Variants in SIRPB2 observed in about 807,000 individuals in gnomAD.
SIRPB2 encodes the protein signal-regulatory protein beta-2.
A neutral mutation model predicts 27.1 loss-of-function variants in SIRPB2; 18 were observed. That is an observed-to-expected ratio of 0.66 (90% CI 0.46 to 0.98). The LOEUF (loss-of-function observed/expected upper bound fraction) is 0.98. Ranked by LOEUF, SIRPB2 falls within the 50% of genes least tolerant of loss-of-function variation. The pLI is 0.00. For synonymous variants in SIRPB2, 150 were observed against 164.6 expected, an observed-to-expected ratio of 0.91 and a Z score of 0.68; for missense variants, 420 against 417.4, an observed-to-expected ratio of 1.01 and a Z score of -0.06.
At position 1,478,610 on chromosome 20, in the gene SIRPB2, G is replaced by A. The variant is rs764015730; in HGVS notation, c.452-3C>T. 3.9e-6 allele frequency: 6 copies of A among 1,554,724 alleles called. No homozygotes were observed. In the East Asian group the frequency reaches 1.4e-4, roughly 35 times the overall value. On this transcript the variant is annotated splice_polypyrimidine_tract_variant and splice_region_variant and intron_variant, in intron 2 of 4. Coordinates refer to ENST00000359801, the MANE Select transcript of SIRPB2 (RefSeq NM_001122962.2). The stretch of plus-strand genomic sequence containing the variant: ...GTCTGGTTCAGGGTCCCCAGCTCCT[G>A]AAGCCAAAGAGGAGGTCCTTGTTGA...
intron 1 of SIRPB2, among the ~76,000 whole-genome samples, chr20:1,488,189 A>G (rs536585970): frequency 1.8e-4 from 27 of 152,348 alleles, no homozygotes; most frequent in African/African-American, 6.3e-4. Flanking sequence ...TGCAAAGCAT[A>G]TATCTGGCAA....
At chr20:1,472,807 G>A (rs1446161424), downstream of SIRPB2, 1 of 152,146 alleles carries the variant, frequency 6.6e-6, no homozygotes, top group Admixed American at 6.5e-5. Flanking sequence ...TAGTTCAGGC[G>A]TTTACGGGGT....
At chr20:1,479,578 C>A (rs2090645365) in intron 2 of SIRPB2, 122 bp downstream of exon 2, 1 of 1,426,986 alleles carries the variant, frequency 7.0e-7, no homozygotes, top group Non-Finnish European at 9.5e-7. Context: ...TGTAGAGATA[C>A]AAATATGTAT....
At chr20:1,481,574 A>G (rs1165704447) in intron 1 of SIRPB2, among the ~76,000 whole-genome samples, 1 of 152,194 alleles carries the variant, frequency 6.6e-6, no homozygotes, top group African/African-American at 2.4e-5. Flanking sequence ...TCAGTTGTGA[A>G]TGAGGCAAGG....
At chr20:1,476,634 A>T (rs1226051261) in intron 4 of SIRPB2, 1 of 819,872 alleles carries the variant, frequency 1.2e-6, no homozygotes, top group Non-Finnish European at 1.5e-6. Context: ...TAGTGATCCA[A>T]TTTTTATAGA....
chr20:1,488,054 C>T (rs991961182), intron 1 of SIRPB2, among the ~76,000 whole-genome samples: 1 of 152,158 alleles, frequency 6.6e-6, no homozygotes, highest in Non-Finnish European at 1.5e-5. Flanking sequence ...AGATGTAACA[C>T]CAAAATCATG....
intron 1 of SIRPB2, among the ~76,000 whole-genome samples, chr20:1,481,180 A>AT (rs2090667733): frequency 6.6e-6 from 1 of 151,822 alleles, no homozygotes; most frequent in African/African-American, 2.4e-5. Context: ...TTATTTATTT[A>AT]TTTTTTAATT....
At position 1,476,139 on chromosome 20, in the gene SIRPB2, A is replaced by G; in HGVS notation, c.*28T>C. 1 of 1,605,378 alleles carries G rather than the reference A, an allele frequency of 6.2e-7. No individual in the cohort carries two copies. The highest frequency in any genetic ancestry group is 1.1e-5 in the South Asian group (1 of 90,080). ...AGGAGCCCTGGCTCCTCTCCAACTC[A>G]GAGGGTCCTCACTCTGGGGCTGACC... On this transcript the variant is annotated 3_prime_UTR_variant, in exon 5 of 5. Coordinates refer to ENST00000359801, the MANE Select transcript of SIRPB2 (RefSeq NM_001122962.2).
At position 1,476,158 on chromosome 20, in the gene SIRPB2, G is replaced by T. The variant is rs770091867; in HGVS notation, c.*9C>A. The T allele has an allele frequency of 4.9e-5, 79 of 1,612,506 alleles. No individual in the cohort carries two copies. The highest frequency in any genetic ancestry group is 6.6e-5 in the Non-Finnish European group (78 of 1,179,506). On this transcript the variant is annotated 3_prime_UTR_variant, in exon 5 of 5. Coordinates refer to ENST00000359801, the MANE Select transcript of SIRPB2 (RefSeq NM_001122962.2). ...CAACTCAGAGGGTCCTCACTCTGGG[G>T]CTGACCCCTCACTCTTGACCCTTGC...
intron 4 of SIRPB2, 81 bp from the exon 5 acceptor site, chr20:1,476,417 G>A: frequency 7.3e-7 from 1 of 1,369,826 alleles, no homozygotes; most frequent in Non-Finnish European, 9.9e-7. Flanking sequence ...CCATGGGCAA[G>A]GTCACATCCT....
At chr20:1,476,596 A>G in intron 4 of SIRPB2, 1 of 516,730 alleles carries the variant, frequency 1.9e-6, no homozygotes, top group Non-Finnish European at 2.5e-6. Context: ...GCCTAATGCA[A>G]TCCTCAAGGT....
At chr20:1,476,939 G>C in intron 4 of SIRPB2, 1 of 1,186,238 alleles carries the variant, frequency 8.4e-7, no homozygotes, top group African/African-American at 1.6e-5. Context: ...CTAGTTCATA[G>C]AGTCAGATAC....
At chr20:1,476,896 G>A in intron 4 of SIRPB2, 1 of 1,161,376 alleles carries the variant, frequency 8.6e-7, no homozygotes, top group Non-Finnish European at 1.1e-6. Flanking sequence ...ACAACCCCAT[G>A]AAGTAGGGTC....
chr20:1,491,171 A>G (rs367959616), intron 1 of SIRPB2, 104 bp downstream of exon 1: 18 of 1,025,868 alleles, frequency 1.8e-5, no homozygotes, highest in East Asian at 5.9e-5. Context: ...TCTTTACTCT[A>G]TCTTCATGGG....
At chr20:1,480,304 G>T (rs572752004) in intron 1 of SIRPB2, 39 of 505,056 alleles carry the variant, frequency 7.7e-5, no homozygotes, top group African/African-American at 7.0e-4. Flanking sequence ...CGTGTGCTGG[G>T]CCCTGCGTGC....
downstream of SIRPB2, chr20:1,471,272 G>A (rs1000240921): frequency 2.0e-5 from 3 of 152,238 alleles, no homozygotes; most frequent in Non-Finnish European, 4.4e-5. Context: ...CACAGAACCT[G>A]TATAACCCTC....
At chr20:1,472,826 G>T (rs1423798808), downstream of SIRPB2, 1 of 152,112 alleles carries the variant, frequency 6.6e-6, no homozygotes, top group African/African-American at 2.4e-5. Context: ...GTCTAATACA[G>T]GCCAGGCATT....
rs1309151106 is a variant in SIRPB2, at chr20:1,485,672, C to CACAG, written c.85+5602_85+5603insCTGT. 2.2e-3 allele frequency among the ~76,000 whole-genome samples: 337 copies of CACAG among 151,024 alleles called. 7 individuals carry two copies. Among genetic ancestry groups the CACAG allele is most frequent in the African/African-American group, 7.8e-3 (322 of 41,044 alleles). On this transcript the variant is annotated intron_variant, in intron 1 of 4. Coordinates refer to ENST00000359801, the MANE Select transcript of SIRPB2 (RefSeq NM_001122962.2). ...CACACACCACACACACACACACACA[C>CACAG]AGAAAAAATCAATGAGAAGAAGAAA...
intron 1 of SIRPB2, among the ~76,000 whole-genome samples, chr20:1,482,851 C>T (rs6131553): frequency 0.16 from 24,060 of 151,770 alleles, 3,117 homozygotes; most frequent in East Asian, 0.74. Flanking sequence ...ATCAATTCAT[C>T]CATTGATTGA....
Sources: allele counts gnomAD v4.1 joint callset (sites outside exome capture counted in the v4.1 genomes callset), GRCh38; gene constraint gnomAD v4.1.1; transcripts MANE v1.5; gene names NCBI Gene and HGNC (gene_info 2026-07-23, HGNC 2026-07-21).